PRKAR2B: variants seen among roughly 807,000 people sequenced by gnomAD.
The protein encoded by PRKAR2B is cAMP-dependent protein kinase type II-beta regulatory subunit.
PRKAR2B carries 14 observed loss-of-function variants against 49.9 expected under a neutral mutation model. That is an observed-to-expected ratio of 0.28 (90% CI 0.19 to 0.44). The LOEUF is 0.44. PRKAR2B is among the 20% of genes least tolerant of loss of function. The pLI is 1.00. For missense variants in PRKAR2B, 393 were observed against 537.9 expected, an observed-to-expected ratio of 0.73 and a Z score of 2.67; for synonymous variants, 196 against 197.7, an observed-to-expected ratio of 0.99 and a Z score of 0.07.
intron 5 of PRKAR2B, among the ~76,000 whole-genome samples, chr7:107,143,145 T>G (rs575151236): frequency 1.3e-5 from 2 of 152,254 alleles, no homozygotes; most frequent in African/African-American, 2.4e-5. Flanking sequence ...TCGGCACATT[T>G]GGCTTTGTTT....
Position 107,121,850 on chromosome 7 carries a change from ATACCGTGG to A in PRKAR2B, c.344-98_344-91del. The A allele has an allele frequency of 5.3e-6, 3 of 571,160 alleles. No homozygotes were observed. The South Asian group carries it at 1.7e-4, about 33-fold the overall frequency. The allele number at this position is 571,160 out of a possible 1,614,324, so 35.4% of individuals were successfully genotyped here. A position where few individuals can be genotyped will look rare whatever the true frequency, so the allele number is the denominator to read the frequency against. On this transcript the variant is annotated intron_variant, in intron 2 of 10. Transcript: ENST00000265717. ...GGTTGAGGTGAATTAATGGTTTTTT[ATACCGTGG>A]TACTCTTTTTGTTCATTAAGTGTTA...
chr7:107,070,475 A>T (rs779740548), intron 2 of PRKAR2B, among the ~76,000 whole-genome samples, 159 bp downstream of exon 2: 5 of 152,254 alleles, frequency 3.3e-5, no homozygotes, highest in Non-Finnish European at 7.3e-5. Context: ...ATCACTATCT[A>T]GGAAGCAATT....
At chr7:107,056,390 T>C (rs955331481) in intron 1 of PRKAR2B, among the ~76,000 whole-genome samples, 10 of 152,254 alleles carry the variant, frequency 6.6e-5, no homozygotes, top group African/African-American at 1.2e-4. Context: ...GCATTGAATC[T>C]ATAAATTACC....
chr7:107,080,711 TA>T (rs1794498605), intron 2 of PRKAR2B, among the ~76,000 whole-genome samples: 1 of 152,202 alleles, frequency 6.6e-6, no homozygotes. Flanking sequence ...GTTAGCTTCC[TA>T]ATGAGAGCGC....
chr7:107,116,582 C>CT (rs781021107), intron 2 of PRKAR2B, among the ~76,000 whole-genome samples: 1 of 151,604 alleles, frequency 6.6e-6, no homozygotes, highest in African/African-American at 2.4e-5. Flanking sequence ...CCTTTATTCC[C>CT]TTTATGTCAT....
chr7:107,106,687 A>T (rs1489129032), intron 2 of PRKAR2B, among the ~76,000 whole-genome samples: 2 of 152,176 alleles, frequency 1.3e-5, no homozygotes, highest in Non-Finnish European at 2.9e-5. Flanking sequence ...TTCCTTGGGC[A>T]GTCGGGGGTA....
At chr7:107,082,237 A>G (rs1794527668) in intron 2 of PRKAR2B, 1 of 152,234 alleles carries the variant, frequency 6.6e-6, no homozygotes, top group Non-Finnish European at 1.5e-5. Flanking sequence ...TTGATACATT[A>G]CCACTTACAA....
chr7:107,059,104 A>G (rs1304463172), intron 1 of PRKAR2B, among the ~76,000 whole-genome samples: 1 of 152,074 alleles, frequency 6.6e-6, no homozygotes, highest in Non-Finnish European at 1.5e-5. Context: ...CCTGGCCAAC[A>G]TGATGAAACC....
At chr7:107,115,259 A>G (rs1438821078) in intron 2 of PRKAR2B, among the ~76,000 whole-genome samples, 1 of 152,184 alleles carries the variant, frequency 6.6e-6, no homozygotes, top group Non-Finnish European at 1.5e-5. Flanking sequence ...TATTTCATCA[A>G]GACAGGGTTA....
At chr7:107,139,346 A>T (rs1018197351) in intron 4 of PRKAR2B, among the ~76,000 whole-genome samples, 2 of 152,182 alleles carry the variant, frequency 1.3e-5, no homozygotes, top group Non-Finnish European at 2.9e-5. Context: ...GTTCTAGGGC[A>T]CCAGTGTTCA....
At chr7:107,116,070 T>C (rs1795266932) in intron 2 of PRKAR2B, among the ~76,000 whole-genome samples, 3 of 152,230 alleles carry the variant, frequency 2.0e-5, no homozygotes, top group Admixed American at 6.5e-5. Context: ...AACTGTTGTG[T>C]AAGCCAGTCT....
chr7:107,122,614 T>A (rs1416360981), intron 3 of PRKAR2B, among the ~76,000 whole-genome samples: 1 of 152,206 alleles, frequency 6.6e-6, no homozygotes, highest in Non-Finnish European at 1.5e-5. Flanking sequence ...AATTTCTGCG[T>A]CACCCTCCCC....
In PRKAR2B at chr7:107,137,118, C is replaced by A. The variant is rs1795713638; in HGVS notation, c.481-3729C>A. Among the ~76,000 whole-genome samples, 4 of 152,094 alleles carry A rather than the reference C, an allele frequency of 2.6e-5. No homozygotes were observed. In the South Asian group the frequency reaches 8.3e-4, roughly 32 times the overall value. On this transcript the variant is annotated intron_variant, in intron 4 of 10. Coordinates refer to ENST00000265717, the MANE Select transcript of PRKAR2B (RefSeq NM_002736.3). ...AAGGCAAAATTATTTGCAAGGCAGC[C>A]CTTGTCACCGCTAGACAGCTCTCAT... is the stretch of plus-strand genomic sequence containing the variant.
chr7:107,067,753 G>T (rs554212760), intron 1 of PRKAR2B, among the ~76,000 whole-genome samples: 1 of 152,126 alleles, frequency 6.6e-6, no homozygotes, highest in Non-Finnish European at 1.5e-5. Context: ...TGTAGTAGTC[G>T]CATGGTTTTC....
chr7:107,138,168 A>G (rs903200060), intron 4 of PRKAR2B, among the ~76,000 whole-genome samples: 3 of 152,112 alleles, frequency 2.0e-5, no homozygotes, highest in Non-Finnish European at 4.4e-5. Flanking sequence ...TGGTGGATAC[A>G]TGTCTTTACA....
At chr7:107,135,651 A>T (rs926882162) in intron 4 of PRKAR2B, among the ~76,000 whole-genome samples, 17 of 152,190 alleles carry the variant, frequency 1.1e-4, no homozygotes, top group Non-Finnish European at 2.9e-5. Context: ...AAATATTTAG[A>T]TGTAAATCTA....
At chr7:107,074,107 A>T (rs917994769) in intron 2 of PRKAR2B, among the ~76,000 whole-genome samples, 9 of 152,022 alleles carry the variant, frequency 5.9e-5, no homozygotes, top group Non-Finnish European at 1.5e-5. Flanking sequence ...ATCATTATCC[A>T]TAATCCATTT....
intron 4 of PRKAR2B, among the ~76,000 whole-genome samples, chr7:107,134,336 T>C (rs1795658197): frequency 6.6e-6 from 1 of 152,150 alleles, no homozygotes; most frequent in Non-Finnish European, 1.5e-5. Flanking sequence ...GCCTGCCTTG[T>C]TCTTTTCAAA....
At chr7:107,124,645 C>T (rs1795452461) in intron 3 of PRKAR2B, among the ~76,000 whole-genome samples, 1 of 152,220 alleles carries the variant, frequency 6.6e-6, no homozygotes, top group South Asian at 2.1e-4. Flanking sequence ...GTCTTGAACT[C>T]CTGGCCTCAA....
Sources: gnomAD v4.1 joint callset for allele counts (sites outside exome capture counted in the v4.1 genomes callset) on GRCh38, gnomAD v4.1.1 for gene constraint, MANE v1.5 for transcripts, NCBI Gene and HGNC (gene_info 2026-07-23, HGNC 2026-07-21) for gene names.